Variants in PSPC1 observed in about 807,000 individuals in gnomAD.
PSPC1 encodes paraspeckle protein 1.
A neutral mutation model predicts 51.6 loss-of-function variants in PSPC1; 14 were observed. That is an observed-to-expected ratio of 0.27 (90% CI 0.18 to 0.42). PSPC1 has a LOEUF of 0.42. Ranked by LOEUF, PSPC1 falls within the 10% of genes least tolerant of loss-of-function variation. The pLI is 1.00. For synonymous variants in PSPC1, 193 were observed against 231.9 expected, an observed-to-expected ratio of 0.83 and a Z score of 1.53; for missense variants, 406 against 701.1, an observed-to-expected ratio of 0.58 and a Z score of 4.75.
chr13:19,763,574 C>T (rs1387349690), intron 2 of PSPC1, among the ~76,000 whole-genome samples: 2 of 152,240 alleles, frequency 1.3e-5, no homozygotes, highest in African/African-American at 4.8e-5. Flanking sequence ...GAGGTTCCTG[C>T]GCTAGCTGAA....
intron 2 of PSPC1, among the ~76,000 whole-genome samples, chr13:19,771,054 T>G (rs1888575069): frequency 6.6e-6 from 1 of 152,134 alleles, no homozygotes; most frequent in African/African-American, 2.4e-5. Flanking sequence ...CTCAGCCTCC[T>G]GAGTAGCTGG....
chr13:19,736,593 G>A (rs1315050242), intron 5 of PSPC1, among the ~76,000 whole-genome samples: 4 of 152,142 alleles, frequency 2.6e-5, no homozygotes, highest in Non-Finnish European at 5.9e-5. Context: ...TGAGGCAGGA[G>A]AATGGCATGA....
intron 6 of PSPC1, among the ~76,000 whole-genome samples, 193 bp downstream of exon 6, chr13:19,730,046 A>C (rs1266069780): frequency 1.3e-5 from 2 of 152,210 alleles, no homozygotes; most frequent in African/African-American, 2.4e-5. Context: ...CACTTCATAA[A>C]ACATAGATAT....
downstream of PSPC1, among the ~76,000 whole-genome samples, chr13:19,674,328 G>GAAAT (rs1565948303): frequency 3.3e-5 from 5 of 152,208 alleles, no homozygotes; most frequent in South Asian, 4.1e-4. Context: ...TTTCAGTCCA[G>GAAAT]AAATAGAAAA....
At chr13:19,690,677 G>A (rs1399486579) in intron 6 of PSPC1, among the ~76,000 whole-genome samples, 1 of 152,046 alleles carries the variant, frequency 6.6e-6, no homozygotes, top group African/African-American at 2.4e-5. Flanking sequence ...CATACACCGT[G>A]ATTTTAGTTC....
At chr13:19,687,401 T>C (rs1878030263) in intron 6 of PSPC1, among the ~76,000 whole-genome samples, 1 of 152,162 alleles carries the variant, frequency 6.6e-6, no homozygotes. Context: ...ACAGAGGGTA[T>C]CTCAGCCCCC....
intron 2 of PSPC1, among the ~76,000 whole-genome samples, chr13:19,769,548 G>A (rs931889179): frequency 1.3e-5 from 2 of 149,798 alleles, no homozygotes; most frequent in African/African-American, 2.5e-5. Context: ...GCGAGACTCC[G>A]TCTCAAAAAA....
At chr13:19,756,007 T>G (rs190064413) in intron 3 of PSPC1, among the ~76,000 whole-genome samples, 7 of 152,108 alleles carry the variant, frequency 4.6e-5, no homozygotes, top group African/African-American at 1.2e-4. Context: ...GAGGCCAAGG[T>G]GGGTGGATCA....
intron 3 of PSPC1, among the ~76,000 whole-genome samples, chr13:19,754,174 T>C (rs984926770): frequency 2.0e-5 from 3 of 152,086 alleles, no homozygotes; most frequent in African/African-American, 7.2e-5. Context: ...AACCTCCGCC[T>C]CCTGGGTTCA....
At chr13:19,777,137 A>G (rs1423740107) in intron 1 of PSPC1, among the ~76,000 whole-genome samples, 3 of 145,380 alleles carry the variant, frequency 2.1e-5, no homozygotes, top group Non-Finnish European at 3.0e-5. Context: ...AAAAAAAAAA[A>G]GAGGCCAGGC....
chr13:19,695,732 T>C (rs1459409973), intron 6 of PSPC1, among the ~76,000 whole-genome samples: 1 of 152,190 alleles, frequency 6.6e-6, no homozygotes, highest in Non-Finnish European at 1.5e-5. Flanking sequence ...CATTTTTTTT[T>C]CTGTATTCAT....
At chr13:19,730,381 CAT>C in intron 5 of PSPC1, 37 bp from the exon 6 acceptor site, 1 of 1,559,188 alleles carries the variant, frequency 6.4e-7, no homozygotes. Context: ...AGCATCATAA[CAT>C]GTGGGCTGCC....
chr13:19,746,009 GTTTTTTT>G (rs1193097882), intron 4 of PSPC1, among the ~76,000 whole-genome samples: 2 of 104,098 alleles, frequency 1.9e-5, no homozygotes, highest in African/African-American at 3.4e-5. Flanking sequence ...TTTGTTTTTT[GTTTTTTT>G]TTTTTTTTGA....
At chr13:19,696,471 T>C (rs1372992150) in intron 6 of PSPC1, among the ~76,000 whole-genome samples, 1 of 149,774 alleles carries the variant, frequency 6.7e-6, no homozygotes, top group Non-Finnish European at 1.5e-5. Context: ...GCTGCATAAT[T>C]TTGAGTAGGC....
intron 5 of PSPC1, among the ~76,000 whole-genome samples, chr13:19,730,742 G>A (rs927079172): frequency 5.3e-5 from 8 of 151,952 alleles, no homozygotes; most frequent in African/African-American, 7.3e-5. Flanking sequence ...TACATCACCT[G>A]AGGTCGGGAA....
intron 7 of PSPC1, among the ~76,000 whole-genome samples, chr13:19,677,031 G>C (rs555271784): frequency 1.3e-5 from 2 of 152,066 alleles, no homozygotes; most frequent in South Asian, 2.1e-4. Flanking sequence ...TCAGGAGATC[G>C]AGACCATCCT....
chr13:19,752,758 T>C (rs1365212642), intron 3 of PSPC1, among the ~76,000 whole-genome samples: 1 of 152,090 alleles, frequency 6.6e-6, no homozygotes, highest in Admixed American at 6.6e-5. Context: ...GCTTATTTTT[T>C]GTAATTTTTA....
At chr13:19,678,167 CAGA>C in intron 6 of PSPC1, 1 of 236,432 alleles carries the variant, frequency 4.2e-6, no homozygotes. Flanking sequence ...CCCTCTTGTA[CAGA>C]TTGTTGATAC....
At position 19,705,586 on chromosome 13, in the gene PSPC1, A is replaced by G. The variant is rs1193092060; in HGVS notation, c.1386+76T>C. The G allele has an allele frequency of 4.0e-6, 4 of 998,058 alleles. No homozygotes were observed. In the East Asian group the frequency reaches 1.0e-4, roughly 26 times the overall value. The allele number at this position is 998,058 out of a possible 1,614,324, so 61.8% of individuals were successfully genotyped here. ...GCCAAAACAAATGATACCAAATTAT[A>G]TTAAGTGTGAAGTTATCCTTGATGC... On this transcript the variant is annotated intron_variant, in intron 8 of 8. Transcript: ENST00000338910.
Sources: allele counts gnomAD v4.1 joint callset (sites outside exome capture counted in the v4.1 genomes callset), GRCh38; gene constraint gnomAD v4.1.1; transcripts MANE v1.5; gene names NCBI Gene and HGNC (gene_info 2026-07-23, HGNC 2026-07-21).